AGPAT3: variants seen among roughly 807,000 people sequenced by gnomAD.
AGPAT3 encodes the protein 1-acyl-sn-glycerol-3-phosphate acyltransferase gamma.
A neutral mutation model predicts 47.3 loss-of-function variants in AGPAT3; 5 were observed. That is an observed-to-expected ratio of 0.11 (90% CI 0.06 to 0.22). The LOEUF is 0.22. Among genes scored for constraint, AGPAT3 ranks in the 10% least tolerant of loss-of-function variants. AGPAT3 has a pLI of 1.00. For synonymous variants in AGPAT3, 212 were observed against 208.3 expected, an observed-to-expected ratio of 1.02 and a Z score of -0.15; for missense variants, 315 against 493.0, an observed-to-expected ratio of 0.64 and a Z score of 3.42.
At chr21:43,911,507 C>A (rs1449746382) in intron 2 of AGPAT3, among the ~76,000 whole-genome samples, 2 of 152,236 alleles carry the variant, frequency 1.3e-5, no homozygotes, top group East Asian at 1.9e-4. Flanking sequence ...CTCTGGGTGA[C>A]CCCGCCTGGC....
chr21:43,944,384 A>G (rs2087790609), intron 2 of AGPAT3, among the ~76,000 whole-genome samples: 1 of 152,234 alleles, frequency 6.6e-6, no homozygotes, highest in South Asian at 2.1e-4. Context: ...GAGAGAGGGA[A>G]GGTAACAGCG....
chr21:43,896,309 C>T (rs2086216803), intron 1 of AGPAT3, among the ~76,000 whole-genome samples: 1 of 152,212 alleles, frequency 6.6e-6, no homozygotes, highest in Admixed American at 6.5e-5. Context: ...GGAATCTGCT[C>T]TGCTTGATCT....
At chr21:43,883,637 A>C (rs1423980029) in intron 1 of AGPAT3, among the ~76,000 whole-genome samples, 5 of 152,190 alleles carry the variant, frequency 3.3e-5, no homozygotes, top group Admixed American at 6.5e-5. Flanking sequence ...TCTGTTGCCC[A>C]GGCTGGAGTA....
chr21:43,887,182 G>C (rs561960590), intron 1 of AGPAT3, among the ~76,000 whole-genome samples: 1 of 152,204 alleles, frequency 6.6e-6, no homozygotes, highest in African/African-American at 2.4e-5. Context: ...AGTAGTACTG[G>C]CTGTCACTCC....
At position 43,959,657 on chromosome 21, in the gene AGPAT3, C is replaced by G; in HGVS notation, c.-25C>G. ...AGGACGGCTGTCCTCAGCGAGGGGC[C>G]GTGCACCCGCTCCTGAGCAGCGCCA... On this transcript the variant is annotated 5_prime_UTR_variant, in exon 3 of 10. Coordinates refer to ENST00000291572, the MANE Select transcript of AGPAT3 (RefSeq NM_020132.5). 1 of 1,610,052 alleles carries G rather than the reference C, an allele frequency of 6.2e-7. No individual in the cohort carries two copies. The highest frequency in any genetic ancestry group is 8.5e-7 in the Non-Finnish European group (1 of 1,179,854).
At chr21:43,887,521 G>T (rs374960813) in intron 1 of AGPAT3, among the ~76,000 whole-genome samples, 60 of 152,222 alleles carry the variant, frequency 3.9e-4, no homozygotes, top group Admixed American at 1.3e-4. Context: ...AAATATTTGG[G>T]TATAAAGTGC....
rs2147007134 is a variant in AGPAT3, at chr21:43,985,422, G to A, written c.*3030G>A. 6.0e-6 allele frequency: 2 copies of A among 332,442 alleles called. No homozygotes were observed. The highest frequency in any genetic ancestry group is 1.2e-5 in the Non-Finnish European group (2 of 170,464). 20.6% of individuals were successfully genotyped at this position (332,442 alleles called of 1,614,324 possible). On this transcript the variant is annotated 3_prime_UTR_variant, in exon 10 of 10. Coordinates refer to ENST00000291572, the MANE Select transcript of AGPAT3 (RefSeq NM_020132.5). ...TAAAAAAAAAAAAAAAGCACGTCCT[G>A]TCGATGAATTTTGAGTCTCTCTGCC...
Position 43,914,533 on chromosome 21 carries a change from TTTTTGTTTTG to T in AGPAT3, c.-49+10539_-49+10548del, listed in dbSNP as rs550805908. On this transcript the variant is annotated intron_variant, in intron 2 of 9. Coordinates refer to ENST00000291572, the MANE Select transcript of AGPAT3 (RefSeq NM_020132.5). ...AATATGAGATTCCATGTAGAGGTTTTTTTTGTTTTGTTTTGTTTTGTTTTGTTTTGTTTTA... is the reference window on the plus strand; with the variant it reads ...AATATGAGATTCCATGTAGAGGTTTTTTTTGTTTTGTTTTGTTTTGTTTTA... 3.9e-4 allele frequency among the ~76,000 whole-genome samples: 59 copies of T among 152,050 alleles called. No homozygotes were observed. The East Asian group carries it at 5.0e-3, about 13-fold the overall frequency.
At chr21:43,883,719 A>C (rs1333647046) in intron 1 of AGPAT3, among the ~76,000 whole-genome samples, 1 of 152,102 alleles carries the variant, frequency 6.6e-6, no homozygotes, top group Non-Finnish European at 1.5e-5. Flanking sequence ...TCAGGCACCC[A>C]AGTAGCTGAG....
rs772919102 is a variant in AGPAT3, at chr21:43,954,967, G to A, written c.-48-4667G>A. ...CAGAGACTGGCCGCTTTGTGACACC[G>A]AGGACGGTTGATAAAGTGGATTCTC... On this transcript the variant is annotated intron_variant, in intron 2 of 9. Transcript: ENST00000291572. This position sits in a 1 kb window ranked among gnomAD's most constrained non-coding sequence, Gnocchi z 4.0. 479 of 1,095,898 alleles carry A rather than the reference G, an allele frequency of 4.4e-4. 1 individual carries two copies. Among genetic ancestry groups the A allele is most frequent in the Non-Finnish European group, 5.1e-4 (450 of 876,082 alleles). The allele number at this position is 1,095,898 out of a possible 1,614,324, so 67.9% of individuals were successfully genotyped here.
At position 43,984,575 on chromosome 21, in the gene AGPAT3, C is replaced by T. The variant is rs561132603; in HGVS notation, c.*2183C>T. 2 of 155,510 alleles carry T rather than the reference C, an allele frequency of 1.3e-5. No individual in the cohort carries two copies. The highest frequency in any genetic ancestry group is 6.3e-5 in the Admixed American group (1 of 15,906). 9.6% of individuals were successfully genotyped at this position (155,510 alleles called of 1,614,324 possible). ...GTTAGAGTGGAGACGGAGGCCCAGG[C>T]GCAGGGGTCACACCTCATCTGGTTT... is the stretch of plus-strand genomic sequence containing the variant. On this transcript the variant is annotated 3_prime_UTR_variant, in exon 10 of 10. Coordinates refer to ENST00000291572, the MANE Select transcript of AGPAT3 (RefSeq NM_020132.5).
chr21:43,906,450 C>CTTT (rs2086497305), intron 2 of AGPAT3, among the ~76,000 whole-genome samples: 1 of 152,066 alleles, frequency 6.6e-6, no homozygotes, highest in Admixed American at 6.5e-5. Context: ...AGGCATGCAA[C>CTTT]TCAATTGGTT....
At chr21:43,928,381 C>T (rs1337734024) in intron 2 of AGPAT3, among the ~76,000 whole-genome samples, 1 of 152,212 alleles carries the variant, frequency 6.6e-6, no homozygotes, top group Non-Finnish European at 1.5e-5. Flanking sequence ...CGGGGGGCAG[C>T]CGAGTTCTGT....
In AGPAT3 at chr21:43,930,353, A is replaced by G. The variant is rs903183200; in HGVS notation, c.-49+26334A>G. On this transcript the variant is annotated intron_variant, in intron 2 of 9. Coordinates refer to ENST00000291572, the MANE Select transcript of AGPAT3 (RefSeq NM_020132.5). This position sits in a 1 kb window ranked among gnomAD's most constrained non-coding sequence, Gnocchi z 5.0. ...TGGTCCTGGGCAGGATTATTTTCAG[A>G]GGCAGTGGAGCTAGCGGGGCAGAGC... 1.3e-5 allele frequency among the ~76,000 whole-genome samples: 2 copies of G among 152,084 alleles called. 1 individual carries two copies. The highest frequency in any genetic ancestry group is 4.2e-4 in the South Asian group (2 of 4,810).
intron 1 of AGPAT3, among the ~76,000 whole-genome samples, chr21:43,894,633 C>T (rs546141908): frequency 6.6e-6 from 1 of 152,248 alleles, no homozygotes. Flanking sequence ...ACTGTAGTCA[C>T]CATACTGATC....
At chr21:43,912,459 T>C (rs1039429914) in intron 2 of AGPAT3, among the ~76,000 whole-genome samples, 1 of 152,216 alleles carries the variant, frequency 6.6e-6, no homozygotes, top group Non-Finnish European at 1.5e-5. Flanking sequence ...AACTTGTGGA[T>C]TTTCCGTGCA....
chr21:43,890,659 C>T (rs185167642), intron 1 of AGPAT3, among the ~76,000 whole-genome samples: 94 of 151,816 alleles, frequency 6.2e-4, no homozygotes, highest in African/African-American at 1.5e-3. Flanking sequence ...GCCATCCACC[C>T]GCCTCGGCCT....
rs141119605 is a variant in AGPAT3, at chr21:43,880,467, G to T, written c.-112+15122G>T. Among the ~76,000 whole-genome samples, 1 of 152,334 alleles carries T rather than the reference G, an allele frequency of 6.6e-6. No homozygotes were observed. Among genetic ancestry groups the T allele is most frequent in the Non-Finnish European group, 1.5e-5 (1 of 68,032 alleles). On this transcript the variant is annotated intron_variant, in intron 1 of 9. Coordinates refer to ENST00000291572, the MANE Select transcript of AGPAT3 (RefSeq NM_020132.5). This position sits in a 1 kb window ranked among gnomAD's most constrained non-coding sequence, Gnocchi z 4.5. Reference sequence around the variant, plus strand: ...GGAAGATGGGAAAGGTGCTCTGCAGGTCTCTACTGCCAGGAGCTCAGCTTT... The same window carrying T: ...GGAAGATGGGAAAGGTGCTCTGCAGTTCTCTACTGCCAGGAGCTCAGCTTT...
chr21:43,938,275 C>T (rs1038645570), intron 2 of AGPAT3, among the ~76,000 whole-genome samples: 3 of 147,946 alleles, frequency 2.0e-5, no homozygotes, highest in African/African-American at 5.0e-5. Context: ...TACTGAGGAA[C>T]GTACTGAGGA....
Sources: allele counts gnomAD v4.1 joint callset (sites outside exome capture counted in the v4.1 genomes callset), GRCh38; gene constraint gnomAD v4.1.1; non-coding constraint Gnocchi (gnomAD v3.1); transcripts MANE v1.5; gene names NCBI Gene and HGNC (gene_info 2026-07-23, HGNC 2026-07-21).